Variants in USP35 observed in about 807,000 individuals in gnomAD.
The protein encoded by USP35 is ubiquitin carboxyl-terminal hydrolase 35.
Under a neutral mutation model 83.8 loss-of-function variants are expected in USP35, and 69 were observed. That is an observed-to-expected ratio of 0.82 (90% CI 0.68 to 1.01). The LOEUF is 1.01. Ranked by LOEUF, USP35 falls within the 50% of genes least tolerant of loss-of-function variation. The probability of loss-of-function intolerance (pLI) is 0.00; values close to 1 mark genes in which losing one functional copy is unlikely to be tolerated. For synonymous variants in USP35, 714 were observed against 589.5 expected, an observed-to-expected ratio of 1.21 and a Z score of -3.06; for missense variants, 1,503 against 1,362.5, an observed-to-expected ratio of 1.10 and a Z score of -1.62.
chr11:78,189,858 G>C lies in USP35; in HGVS notation c.-11+701G>C, dbSNP rs575585773. Among the ~76,000 whole-genome samples, 356 of 152,338 alleles carry C rather than the reference G, an allele frequency of 2.3e-3. 7 individuals are homozygous for C. The highest frequency in any genetic ancestry group is 0.02 in the Middle Eastern group (6 of 294). On this transcript the variant is annotated intron_variant, in intron 1 of 10. Transcript: ENST00000529308. ...TTCCAGGAGACAGTTTGGTGGCCCAGACATGGGCCTCCCGGAGTAGGGTGA... is the reference window on the plus strand; with the variant it reads ...TTCCAGGAGACAGTTTGGTGGCCCACACATGGGCCTCCCGGAGTAGGGTGA...
chr11:78,213,971 G>GTCTT lies in USP35; in HGVS notation c.*158_*159insTCTT, dbSNP rs1565407049. 131 of 773,242 alleles carry GTCTT rather than the reference G, an allele frequency of 1.7e-4. No individual in the cohort carries two copies. The African/African-American group carries it at 2.0e-3, about 12-fold the overall frequency. 47.9% of individuals were successfully genotyped at this position (773,242 alleles called of 1,614,324 possible). On this transcript the variant is annotated 3_prime_UTR_variant, in exon 11 of 11. Transcript: ENST00000529308. ...GTACACAGAGATTCTCTCAGATATG[G>GTCTT]AAGTAAGACCTAAGTCCCTTTCATT...
At chr11:78,200,380 GT>G in intron 5 of USP35, 146 bp downstream of exon 5, 1 of 1,023,284 alleles carries the variant, frequency 9.8e-7, no homozygotes, top group Non-Finnish European at 1.4e-6. Context: ...CAGCTGGATC[GT>G]GGGCTCTGGC....
intron 8 of USP35, among the ~76,000 whole-genome samples, chr11:78,208,342 C>CT (rs1863600912): frequency 1.3e-5 from 2 of 152,190 alleles, no homozygotes; most frequent in Non-Finnish European, 2.9e-5. Context: ...GCCAGGCAGC[C>CT]TGAGAGCTGT....
At chr11:78,207,793 G>A (rs1863577735) in intron 8 of USP35, among the ~76,000 whole-genome samples, 170 bp downstream of exon 8, 1 of 152,234 alleles carries the variant, frequency 6.6e-6, no homozygotes, top group African/African-American at 2.4e-5. Context: ...CCCTGCTGGG[G>A]CAGGAGAAGG....
chr11:78,198,829 C>T (rs1029988449), intron 3 of USP35: 8 of 379,380 alleles, frequency 2.1e-5, no homozygotes, highest in Non-Finnish European at 2.5e-5. Flanking sequence ...TGGAGTATAA[C>T]CAAACCCATC....
At position 78,213,761 on chromosome 11, in the gene USP35, G is replaced by A. The variant is rs1250756878; in HGVS notation, c.3005G>A (p.Gly1002Asp). 1 of 1,545,416 alleles carries A rather than the reference G, an allele frequency of 6.5e-7. No homozygotes were observed. ...GATGAGGATGAAGGCTCTCCAGGGG[G>A]CTGCAATCCTGCAGGTGGCAATGGT... is the stretch of plus-strand genomic sequence containing the variant. Reference protein sequence around the residue: ...DKDEDEGSPGGCNPAGGNGGD... With the variant: ...DKDEDEGSPGDCNPAGGNGGD... The change falls in exon 11 of 11, where the codon GGC becomes GAC. Residue 1002 changes from glycine (G) to aspartate (D), a missense_variant. By Grantham distance (94) the Gly-to-Asp change is moderately conservative. Coordinates refer to ENST00000529308, the MANE Select transcript of USP35 (RefSeq NM_020798.4).
intron 10 of USP35, 58 bp downstream of exon 10, chr11:78,210,802 C>T (rs1182009107): frequency 2.0e-6 from 3 of 1,473,934 alleles, no homozygotes; most frequent in East Asian, 2.3e-5. Context: ...TCCAGTCCCA[C>T]TACTGGCTTA....
Position 78,209,595 on chromosome 11 carries a change from TCTCTGCTGC to T in USP35, c.1744_1752del (p.Cys582_Leu584del). 6.2e-7 allele frequency: 1 copy of T among 1,614,106 alleles called. No homozygotes were observed. Reference sequence around the variant, plus strand: ...GCAAGATAGTGACTCGGATCTGCTGTCTCTGCTGCCTCAACGTCTCCTCCCGGGAGGAGG... The same window carrying T: ...GCAAGATAGTGACTCGGATCTGCTGTCTCAACGTCTCCTCCCGGGAGGAGG... On this transcript the variant is annotated inframe_deletion, in exon 10 of 11. Transcript: ENST00000529308.
At position 78,200,636 on chromosome 11, in the gene USP35, C is replaced by T; in HGVS notation, c.1039-14C>T. 1 of 1,601,770 alleles carries T rather than the reference C, an allele frequency of 6.2e-7. No homozygotes were observed. Among genetic ancestry groups the T allele is most frequent in the Non-Finnish European group, 8.5e-7 (1 of 1,172,754 alleles). On this transcript the variant is annotated splice_polypyrimidine_tract_variant and intron_variant, in intron 5 of 10. Coordinates refer to ENST00000529308, the MANE Select transcript of USP35 (RefSeq NM_020798.4). ...CGGGTTGGTGCTGAGCCTGACGCAG[C>T]TCTGCTCCCACAGCTCCTCCCTCAC...
rs749159852 is a variant in USP35, at chr11:78,199,689, A to T, written c.901A>T (p.Ile301Phe). The T allele has an allele frequency of 6.2e-7, 1 of 1,614,224 alleles. No homozygotes were observed. Among genetic ancestry groups the T allele is most frequent in the South Asian group, 1.1e-5 (1 of 91,088 alleles). The change falls in exon 4 of 11, where the codon ATC (isoleucine) becomes TTC (phenylalanine). Residue 301 changes from isoleucine to phenylalanine, a missense_variant. Coordinates refer to ENST00000529308, the MANE Select transcript of USP35 (RefSeq NM_020798.4). ...KGLAAVKKFS[I>F]LIEVSLTKIE... ...CCTGGCTGCTGTTAAGAAGTTCAGC[A>T]TCTTGATCGAGGTTTCGCTCACCAA...
chr11:78,218,808 G>A, downstream of USP35: 1 of 156,982 alleles, frequency 6.4e-6, no homozygotes. Context: ...TGGTTTGCTG[G>A]TCCTTGACTC....
intron 7 of USP35, among the ~76,000 whole-genome samples, chr11:78,206,766 G>A (rs553200307): frequency 6.6e-6 from 1 of 152,320 alleles, no homozygotes; most frequent in African/African-American, 2.4e-5. Flanking sequence ...GTTTCTAAGT[G>A]CTCGCTCAGC....
chr11:78,236,162 G>C, the USP35 span, among the ~76,000 whole-genome samples: 1 of 152,168 alleles, frequency 6.6e-6, no homozygotes, highest in African/African-American at 2.4e-5. Context: ...TTGCATGTTT[G>C]TTGTTAAATT....
intron 10 of USP35, among the ~76,000 whole-genome samples, chr11:78,212,774 A>C (rs1173095539): frequency 1.3e-5 from 2 of 151,022 alleles, no homozygotes; most frequent in Non-Finnish European, 1.5e-5. Flanking sequence ...AAGTTGCTTA[A>C]CAGCTTAAGA....
the USP35 span, among the ~76,000 whole-genome samples, chr11:78,227,388 G>C: frequency 4.7e-4 from 72 of 152,268 alleles, no homozygotes; most frequent in African/African-American, 1.7e-3. Context: ...ACAGTGGAAA[G>C]AACCTTTAAG....
Position 78,196,347 on chromosome 11 carries a change from G to A in USP35, c.102G>A (p.Glu34=), listed in dbSNP as rs553056813. ...RVLEAARQPL[E]REQCLALLAL... ...TGGAGGCGGCGCGGCAGCCGCTGGA[G>A]CGTGAGCAGTGCCTGGCGCTGCTGG... is the stretch of plus-strand genomic sequence containing the variant. Residue 34 remains glutamate (E), a synonymous_variant, in exon 2 of 11, where the codon GAG becomes GAA. Coordinates refer to ENST00000529308, the MANE Select transcript of USP35 (RefSeq NM_020798.4). This position sits in a 1 kb window ranked among gnomAD's most constrained non-coding sequence, Gnocchi z 4.8. 7 of 1,579,738 alleles carry A rather than the reference G, an allele frequency of 4.4e-6. No homozygotes were observed. The highest frequency in any genetic ancestry group is 3.4e-4 in the Middle Eastern group (2 of 5,916).
At chr11:78,201,435 T>C (rs571772924) in intron 6 of USP35, among the ~76,000 whole-genome samples, 1 of 152,324 alleles carries the variant, frequency 6.6e-6, no homozygotes, top group South Asian at 2.1e-4. Context: ...GATCGCAGCC[T>C]GGTGAGGGTG....
chr11:78,213,550 C>T (rs1244014851), intron 10 of USP35, 96 bp from the exon 11 acceptor site: 4 of 1,360,204 alleles, frequency 2.9e-6, no homozygotes, highest in Non-Finnish European at 9.5e-7. Context: ...CCCTGGGGAC[C>T]TAGAGGAAAC....
At chr11:78,230,354 G>C in the USP35 span, among the ~76,000 whole-genome samples, 1 of 152,126 alleles carries the variant, frequency 6.6e-6, no homozygotes, top group African/African-American at 2.4e-5. Context: ...CTTCAGCCCT[G>C]GTCTTGCATT....
Sources: allele counts gnomAD v4.1 joint callset (sites outside exome capture counted in the v4.1 genomes callset), GRCh38; gene constraint gnomAD v4.1.1; non-coding constraint Gnocchi (gnomAD v3.1); transcripts MANE v1.5; gene names NCBI Gene and HGNC (gene_info 2026-07-23, HGNC 2026-07-21).